Variants in CALD1 observed in about 807,000 individuals in gnomAD.
CALD1 encodes the protein caldesmon 1, also known as caldesmon.
CALD1 carries 33 observed loss-of-function variants against 99.9 expected under a neutral mutation model. The ratio of observed to expected loss-of-function variants is 0.33; its 90% confidence interval spans 0.25 to 0.44. The LOEUF (loss-of-function observed/expected upper bound fraction) is 0.44. CALD1 is among the 20% of genes least tolerant of loss of function. The pLI is 1.00. For missense variants in CALD1, 861 were observed against 962.1 expected, an observed-to-expected ratio of 0.89 and a Z score of 1.39; for synonymous variants, 310 against 325.0, an observed-to-expected ratio of 0.95 and a Z score of 0.50.
At chr7:134,748,411 A>G (rs1210780553) in intron 1 of CALD1, among the ~76,000 whole-genome samples, 3 of 152,204 alleles carry the variant, frequency 2.0e-5, no homozygotes, top group Non-Finnish European at 4.4e-5. Flanking sequence ...TATATTTTGC[A>G]TGCAAGAAGG....
intron 3 of CALD1, among the ~76,000 whole-genome samples, chr7:134,876,511 G>A (rs1001577001): frequency 4.6e-5 from 7 of 152,134 alleles, no homozygotes; most frequent in Non-Finnish European, 8.8e-5. Flanking sequence ...AAGGAGATTC[G>A]GTCAGATTAC....
intron 1 of CALD1, among the ~76,000 whole-genome samples, chr7:134,796,723 C>T (rs1247158242): frequency 6.6e-6 from 1 of 152,088 alleles, no homozygotes; most frequent in Non-Finnish European, 1.5e-5. Flanking sequence ...ATAGCTAAAA[C>T]CACAGACACA....
intron 3 of CALD1, among the ~76,000 whole-genome samples, chr7:134,870,209 C>A (rs1801002334): frequency 6.6e-6 from 1 of 152,184 alleles, no homozygotes; most frequent in Non-Finnish European, 1.5e-5. Flanking sequence ...AATCAGGAAG[C>A]AGACAGGCCA....
chr7:134,742,569 G>T (rs1048781723), upstream of CALD1, among the ~76,000 whole-genome samples: 3 of 152,186 alleles, frequency 2.0e-5, no homozygotes, highest in Admixed American at 6.5e-5. Flanking sequence ...TCTCTGGTGT[G>T]GTTCAGCAGC....
chr7:134,932,026 C>T (rs556030805), intron 4 of CALD1, among the ~76,000 whole-genome samples: 9 of 152,318 alleles, frequency 5.9e-5, no homozygotes, highest in South Asian at 4.1e-4. Context: ...GACTCTCAAT[C>T]CCTAGGGCTT....
intron 3 of CALD1, among the ~76,000 whole-genome samples, chr7:134,870,563 G>C (rs942277557): frequency 1.3e-5 from 2 of 152,190 alleles, no homozygotes. Context: ...TCTTAGTTAT[G>C]TACCCTGAAT....
chr7:134,964,927 A>T (rs1808556462), intron 13 of CALD1, among the ~76,000 whole-genome samples: 1 of 152,052 alleles, frequency 6.6e-6, no homozygotes, highest in Non-Finnish European at 1.5e-5. Flanking sequence ...TATAAAATCA[A>T]ACAACAGCTA....
At chr7:134,808,949 C>G (rs1798253613) in intron 1 of CALD1, among the ~76,000 whole-genome samples, 1 of 152,100 alleles carries the variant, frequency 6.6e-6, no homozygotes, top group Non-Finnish European at 1.5e-5. Flanking sequence ...ATGAGGGGCT[C>G]ATTGCCAAGG....
At chr7:134,839,427 G>A (rs1444876182) in intron 1 of CALD1, among the ~76,000 whole-genome samples, 2 of 152,140 alleles carry the variant, frequency 1.3e-5, no homozygotes, top group African/African-American at 2.4e-5. Flanking sequence ...ATATATGCCT[G>A]TAAGTAAGAT....
At chr7:134,828,330 T>C (rs1179523691) in intron 1 of CALD1, among the ~76,000 whole-genome samples, 1 of 152,154 alleles carries the variant, frequency 6.6e-6, no homozygotes, top group East Asian at 1.9e-4. Flanking sequence ...AAAATAAAAA[T>C]TCACTGATCC....
chr7:134,747,643 T>C (rs1796646725), intron 1 of CALD1, among the ~76,000 whole-genome samples: 1 of 152,206 alleles, frequency 6.6e-6, no homozygotes, highest in South Asian at 2.1e-4. Context: ...TCAGGGGCTC[T>C]ACTCCCTGCA....
rs1254238945 is a variant in CALD1, at chr7:134,783,113, C to T, written c.-130+3364C>T. Among the ~76,000 whole-genome samples, 1 of 152,154 alleles carries T rather than the reference C, an allele frequency of 6.6e-6. No individual in the cohort carries two copies. Among genetic ancestry groups the T allele is most frequent in the Non-Finnish European group, 1.5e-5 (1 of 68,028 alleles). On this transcript the variant is annotated intron_variant, in intron 1 of 14. Transcript: ENST00000361675. The surrounding 1 kb of genome is among the most constrained non-coding windows in gnomAD (Gnocchi z 4.3). ...CCAGCCAAAAGCATGGAATGAACCC[C>T]GGAACGTCATGCCTGGGCCTTGTAG...
intron 13 of CALD1, chr7:134,962,788 T>TA (rs760323230): frequency 4.1e-4 from 184 of 444,030 alleles, no homozygotes; most frequent in East Asian, 1.9e-3. Context: ...TCTTTTTGTT[T>TA]AAAAAAAAAC....
intron 1 of CALD1, among the ~76,000 whole-genome samples, chr7:134,793,264 C>T (rs1797614051): frequency 6.6e-6 from 1 of 152,254 alleles, no homozygotes; most frequent in Admixed American, 6.5e-5. Flanking sequence ...TTTATATATG[C>T]TGATCACAAC....
At chr7:134,824,800 C>T (rs1356350724) in intron 1 of CALD1, among the ~76,000 whole-genome samples, 1 of 152,058 alleles carries the variant, frequency 6.6e-6, no homozygotes, top group African/African-American at 2.4e-5. Context: ...GATAACTTCT[C>T]AACAGAAGGG....
Position 134,945,865 on chromosome 7 carries a change from T to G in CALD1, c.1533-1643T>G, listed in dbSNP as rs565686797. On this transcript the variant is annotated intron_variant, in intron 7 of 14. Transcript: ENST00000361675. Reference sequence around the variant, plus strand: ...AGACATAAATCACTGTGTTTAGCTCTTAATCAAGAGGCAATGGGTAATTTC... The same window carrying G: ...AGACATAAATCACTGTGTTTAGCTCGTAATCAAGAGGCAATGGGTAATTTC... Among the ~76,000 whole-genome samples, 7 of 152,354 alleles carry G rather than the reference T, an allele frequency of 4.6e-5. No homozygotes were observed. The South Asian group carries it at 1.0e-3, about 23-fold the overall frequency.
the CALD1 span, among the ~76,000 whole-genome samples, chr7:134,722,254 T>C: frequency 1.3e-5 from 2 of 152,104 alleles, no homozygotes; most frequent in Non-Finnish European, 2.9e-5. Context: ...TCCGGCCAAG[T>C]TTCTCTTCTC....
intron 1 of CALD1, among the ~76,000 whole-genome samples, chr7:134,784,444 G>C (rs568493242): frequency 3.3e-5 from 5 of 152,188 alleles, no homozygotes; most frequent in African/African-American, 4.8e-5. Flanking sequence ...AGTTCCACTG[G>C]GGTCAGGAGG....
intron 3 of CALD1, among the ~76,000 whole-genome samples, chr7:134,896,986 A>G (rs187176713): frequency 6.6e-6 from 1 of 152,354 alleles, no homozygotes; most frequent in East Asian, 1.9e-4. Context: ...ACCATGTGTC[A>G]TGCTGTTGAA....
Sources: gnomAD v4.1 joint callset for allele counts (sites outside exome capture counted in the v4.1 genomes callset) on GRCh38, gnomAD v4.1.1 for gene constraint, Gnocchi (gnomAD v3.1) non-coding constraint, MANE v1.5 for transcripts, NCBI Gene and HGNC (gene_info 2026-07-23, HGNC 2026-07-21) for gene names.